FAM227A: variants seen among roughly 807,000 people sequenced by gnomAD.
FAM227A encodes the protein family with sequence similarity 227 member A.
Under a neutral mutation model 74.7 loss-of-function variants are expected in FAM227A, and 80 were observed. The ratio of observed to expected loss-of-function variants is 1.07; its 90% CI spans 0.89 to 1.29. The LOEUF (loss-of-function observed/expected upper bound fraction) is 1.29, where lower values mean the gene tolerates loss of function less well. FAM227A is among the 50% of genes most tolerant of loss of function. The pLI is 0.00. For missense variants in FAM227A, 654 were observed against 683.4 expected (o/e 0.96, Z 0.48); for synonymous variants, 237 against 241.8 (o/e 0.98, Z 0.19).
chr22:38,649,890 A>T (rs943521071), intron 2 of FAM227A, 137 bp downstream of exon 2: 7 of 804,164 alleles, frequency 8.7e-6, no homozygotes, highest in African/African-American at 1.8e-5. Context: ...GAAAGAAAAG[A>T]AAAGAAAAAA....
chr22:38,641,744 T>C (rs940020264), intron 3 of FAM227A, among the ~76,000 whole-genome samples: 4 of 152,022 alleles, frequency 2.6e-5, no homozygotes, highest in African/African-American at 9.7e-5. Context: ...AATCTCTCTA[T>C]CTCCATATCT....
intron 15 of FAM227A, 108 bp from the exon 16 acceptor site, chr22:38,591,648 C>T: frequency 1.4e-6 from 1 of 735,520 alleles, no homozygotes; most frequent in South Asian, 2.6e-5. Context: ...ATTTACAAAA[C>T]ATGCATTGAA....
intron 1 of FAM227A, among the ~76,000 whole-genome samples, chr22:38,650,988 T>G (rs1354772919): frequency 3.9e-5 from 6 of 152,192 alleles, no homozygotes; most frequent in Non-Finnish European, 8.8e-5. Flanking sequence ...GGTGGGAACA[T>G]GAACTCAAAT....
At chr22:38,597,110 C>A in intron 15 of FAM227A, 94 bp downstream of exon 15, 2 of 1,234,952 alleles carry the variant, frequency 1.6e-6, no homozygotes, top group Non-Finnish European at 2.3e-6. Context: ...ACAGGAAACC[C>A]CCCTGCCCCA....
intron 16 of FAM227A, among the ~76,000 whole-genome samples, chr22:38,587,557 CAAAT>C (rs763992070): frequency 6.6e-5 from 10 of 152,020 alleles, no homozygotes; most frequent in Non-Finnish European, 1.5e-4. Context: ...AGACTTATAA[CAAAT>C]AAAACGATTG....
In FAM227A at chr22:38,623,185, T is replaced by C. The variant is rs1256673016; in HGVS notation, c.945A>G (p.Arg315=). ...CTGCTATCTTACCCTTTGTCAGTCT[T>C]CTTCTGTACAACATTAATTCTTCTC... ...FRREELMLYR[R]RLTKGREFSL... Residue 315 remains arginine (R), a synonymous_variant, in exon 10 of 17, where the codon AGA becomes AGG. Transcript: ENST00000535113. 2.6e-6 allele frequency: 4 copies of C among 1,550,924 alleles called. No individual in the cohort carries two copies. In the Admixed American group the frequency reaches 7.8e-5, roughly 30 times the overall value.
At chr22:38,651,760 G>C (rs2092325642) in intron 1 of FAM227A, among the ~76,000 whole-genome samples, 1 of 151,728 alleles carries the variant, frequency 6.6e-6, no homozygotes, top group South Asian at 2.1e-4. Context: ...AAGAAAACTA[G>C]CTTCCTTAAA....
chr22:38,650,114 G>A lies in FAM227A; in HGVS notation c.55C>T (p.Pro19Ser), dbSNP rs933043753. The A allele has an allele frequency of 1.9e-6, 3 of 1,551,716 alleles. No individual in the cohort carries two copies. The highest frequency in any genetic ancestry group is 1.4e-5 in the African/African-American group (1 of 73,028). The change falls in exon 2 of 17, where the codon CCA (proline) becomes TCA (serine). Residue 19 changes from proline to serine, a missense_variant. Transcript: ENST00000535113. ...VINLTTLPMI[P>S]VDEHLAVSLV... ...GAGACAGCCAGGTGCTCATCCACTG[G>A]TATCATAGGTAGGGTGGTGAGGTTG...
At chr22:38,588,181 A>G (rs2090848970) in intron 16 of FAM227A, among the ~76,000 whole-genome samples, 1 of 152,166 alleles carries the variant, frequency 6.6e-6, no homozygotes, top group Admixed American at 6.5e-5. Context: ...CTGGTATTCC[A>G]CTTTGTATCA....
chr22:38,654,777 A>C (rs1045387623), intron 1 of FAM227A, among the ~76,000 whole-genome samples: 1 of 64,708 alleles, frequency 1.5e-5, no homozygotes, highest in African/African-American at 6.3e-5. Flanking sequence ...AAAAATACCA[A>C]AAAAAAAAAA....
chr22:38,621,974 C>A lies in FAM227A; in HGVS notation c.958+1198G>T, dbSNP rs376116667. Among the ~76,000 whole-genome samples the A allele has an allele frequency of 2.6e-4, 40 of 152,222 alleles. No homozygotes were observed. In the East Asian group the frequency reaches 6.4e-3, roughly 24 times the overall value. ...GGACAATTGTGTGGCCTGAGTTTCC[C>A]ACTAGATCATGAAGAGGTGAGGTTG... is the stretch of plus-strand genomic sequence containing the variant. On this transcript the variant is annotated intron_variant, in intron 10 of 16. Coordinates refer to ENST00000535113, the MANE Select transcript of FAM227A (RefSeq NM_001013647.2).
intron 11 of FAM227A, among the ~76,000 whole-genome samples, chr22:38,615,972 G>T (rs2091566767): frequency 6.6e-6 from 1 of 152,122 alleles, no homozygotes; most frequent in Non-Finnish European, 1.5e-5. Context: ...AGACAAGTAC[G>T]AGTTCCGGGA....
chr22:38,631,616 G>C (rs939008370), intron 6 of FAM227A, among the ~76,000 whole-genome samples: 7 of 152,282 alleles, frequency 4.6e-5, no homozygotes, highest in African/African-American at 1.7e-4. Context: ...CGTGTGCAGA[G>C]GCTATGGAAG....
intron 16 of FAM227A, 55 bp downstream of exon 16, chr22:38,591,380 T>C (rs1390586631): frequency 4.6e-6 from 7 of 1,534,978 alleles, no homozygotes; most frequent in Non-Finnish European, 6.1e-6. Flanking sequence ...CTTCTACCTT[T>C]CCCATGGTTT....
rs950167846 is a variant in FAM227A, at chr22:38,579,687, A to G, written c.*6438T>C. 1.3e-5 allele frequency: 2 copies of G among 152,152 alleles called. No homozygotes were observed. The highest frequency in any genetic ancestry group is 2.9e-5 in the Non-Finnish European group (2 of 68,022). 9.4% of individuals were successfully genotyped at this position (152,152 alleles called of 1,614,324 possible). ...TACCTCCATCCACTTTCTCTCTCCCATATTATTTGAGTACAAATTCCATAA... is the reference window on the plus strand; with the variant it reads ...TACCTCCATCCACTTTCTCTCTCCCGTATTATTTGAGTACAAATTCCATAA... On this transcript the variant is annotated 3_prime_UTR_variant, in exon 17 of 17. Transcript: ENST00000535113.
intron 5 of FAM227A, 118 bp downstream of exon 5, chr22:38,638,628 C>T (rs1030128464): frequency 8.0e-6 from 6 of 747,920 alleles, no homozygotes; most frequent in Admixed American, 6.8e-5. Context: ...AGGAGCTCTG[C>T]GATTTTTCCT....
At position 38,606,576 on chromosome 22, in the gene FAM227A, C is replaced by CT. The variant is rs553584497; in HGVS notation, c.1126+812dup. Among the ~76,000 whole-genome samples, 14 of 152,312 alleles carry CT rather than the reference C, an allele frequency of 9.2e-5. No individual in the cohort carries two copies. In the East Asian group the frequency reaches 1.7e-3, roughly 19 times the overall value. On this transcript the variant is annotated intron_variant, in intron 12 of 16. Transcript: ENST00000535113. ...TTCTGCCTCCTGGCCAGCACTGGTG[C>CT]TTCCCGCTGTGGCCCTGCATGGTGT...
intron 7 of FAM227A, 126 bp downstream of exon 7, chr22:38,628,708 G>C (rs2091858556): frequency 1.4e-6 from 1 of 690,508 alleles, no homozygotes; most frequent in Admixed American, 2.8e-5. Flanking sequence ...GGGACTGGGT[G>C]ACAGGGGAGG....
rs752536192 is a variant in FAM227A, at chr22:38,636,411, T to C, written c.519+40A>G. 9.7e-6 allele frequency: 15 copies of C among 1,544,448 alleles called. No individual in the cohort carries two copies. The East Asian group carries it at 1.7e-4, about 18-fold the overall frequency. ...AAGGGTGACAGCTGCATTTGCCCCA[T>C]GGGTTGGCAAACTCAGGGCAGGCAC... On this transcript the variant is annotated intron_variant, in intron 6 of 16. Coordinates refer to ENST00000535113, the MANE Select transcript of FAM227A (RefSeq NM_001013647.2).
Sources: gnomAD v4.1 joint callset for allele counts (sites outside exome capture counted in the v4.1 genomes callset) on GRCh38, gnomAD v4.1.1 for gene constraint, MANE v1.5 for transcripts, NCBI Gene and HGNC (gene_info 2026-07-23, HGNC 2026-07-21) for gene names.